Variants in PADI3 observed in about 807,000 individuals in gnomAD.
PADI3 encodes protein-arginine deiminase type-3.
PADI3 carries 53 observed loss-of-function variants against 71.5 expected under a neutral mutation model. The observed-to-expected ratio is 0.74, with a 90% CI of 0.59 to 0.93. PADI3 has a LOEUF of 0.93. Ranked by LOEUF, PADI3 falls within the 40% of genes least tolerant of loss-of-function variation. The pLI, the probability that PADI3 is intolerant of heterozygous loss-of-function variation, is 0.00. For missense variants in PADI3, 821 were observed against 868.0 expected, an observed-to-expected ratio of 0.95 and a Z score of 0.68; for synonymous variants, 361 against 347.5, an observed-to-expected ratio of 1.04 and a Z score of -0.43.
At chr1:17,263,826 C>A (rs1320589452) in intron 3 of PADI3, among the ~76,000 whole-genome samples, 4 of 152,070 alleles carry the variant, frequency 2.6e-5, no homozygotes. Context: ...ATAAACAATT[C>A]ACAGAAGAGA....
At chr1:17,265,748 G>C (rs748764264) in intron 4 of PADI3, 28 bp downstream of exon 4, 1 of 1,602,794 alleles carries the variant, frequency 6.2e-7, no homozygotes, top group South Asian at 1.1e-5. Context: ...GGCCCAGGAA[G>C]CAGGAGTGCA....
At chr1:17,280,492 A>G (rs1382191905) in intron 14 of PADI3, 63 bp downstream of exon 14, 1 of 1,511,844 alleles carries the variant, frequency 6.6e-7, no homozygotes, top group Non-Finnish European at 9.2e-7. Flanking sequence ...GGAGGCAAGG[A>G]TGGGATACAG....
chr1:17,250,893 T>C (rs1458955032), intron 1 of PADI3, among the ~76,000 whole-genome samples: 1 of 152,018 alleles, frequency 6.6e-6, no homozygotes, highest in Non-Finnish European at 1.5e-5. Context: ...ATTGGGGCAA[T>C]AAGAGATAAA....
At chr1:17,282,185 G>A (rs3003440) in intron 15 of PADI3, among the ~76,000 whole-genome samples, 46,001 of 152,022 alleles carry the variant, frequency 0.3, 8,253 homozygotes, top group African/African-American at 0.51. Flanking sequence ...TCTTGTGTTC[G>A]CAAGAGACAG....
At chr1:17,262,278 C>A in intron 3 of PADI3, 73 bp downstream of exon 3, 1 of 1,135,780 alleles carries the variant, frequency 8.8e-7, no homozygotes. Flanking sequence ...AAAGAGTATA[C>A]GTTGAAAATT....
chr1:17,264,311 A>G (rs978438549), intron 3 of PADI3, among the ~76,000 whole-genome samples: 4 of 148,746 alleles, frequency 2.7e-5, no homozygotes, highest in East Asian at 2.0e-4. Context: ...TTTTACATAC[A>G]TATGTGCATA....
At chr1:17,256,382 A>G (rs1425626896) in intron 1 of PADI3, among the ~76,000 whole-genome samples, 1 of 152,224 alleles carries the variant, frequency 6.6e-6, no homozygotes, top group African/African-American at 2.4e-5. Context: ...AGCCTGGTCT[A>G]AAACCTAATT....
At chr1:17,276,026 A>G (rs1399333298) in intron 11 of PADI3, among the ~76,000 whole-genome samples, 1 of 152,068 alleles carries the variant, frequency 6.6e-6, no homozygotes, top group Non-Finnish European at 1.5e-5. Context: ...AACTCACCCT[A>G]AGTGGAATTT....
chr1:17,271,857 AGAGAG>A (rs2073258965), intron 9 of PADI3, among the ~76,000 whole-genome samples: 6 of 105,148 alleles, frequency 5.7e-5, no homozygotes, highest in African/African-American at 2.4e-4. Flanking sequence ...AAAAAAAAAG[AGAGAG>A]AGAGAGAGAG....
At chr1:17,267,680 A>C (rs908638674) in intron 5 of PADI3, among the ~76,000 whole-genome samples, 157 bp from the exon 6 acceptor site, 1 of 152,210 alleles carries the variant, frequency 6.6e-6, no homozygotes, top group African/African-American at 2.4e-5. Context: ...AGATGTCTTC[A>C]TGGTTTGTTC....
In PADI3 at chr1:17,280,799, G is replaced by A; in HGVS notation, c.1761+3G>A. 6.2e-7 allele frequency: 1 copy of A among 1,613,928 alleles called. No individual in the cohort carries two copies. The highest frequency in any genetic ancestry group is 1.7e-4 in the Middle Eastern group (1 of 6,060). ...CAACGGCCTTCTTCCCTGACTTGGT[G>A]AGGGCACTACCCATGACTCCTTTGC... is the stretch of plus-strand genomic sequence containing the variant. On this transcript the variant is annotated splice_donor_region_variant and intron_variant, in intron 15 of 15. Coordinates refer to ENST00000375460, the MANE Select transcript of PADI3 (RefSeq NM_016233.2).
At chr1:17,271,023 C>G in intron 8 of PADI3, 41 bp downstream of exon 8, 1 of 1,612,476 alleles carries the variant, frequency 6.2e-7, no homozygotes, top group East Asian at 2.2e-5. Context: ...GGCCCCCAGG[C>G]CCCGGCTCCA....
intron 1 of PADI3, among the ~76,000 whole-genome samples, chr1:17,257,856 G>C (rs2100561540): frequency 6.6e-6 from 1 of 152,260 alleles, no homozygotes; most frequent in South Asian, 2.1e-4. Flanking sequence ...TCTCATCCTG[G>C]GGCTGCAGTG....
intron 6 of PADI3, among the ~76,000 whole-genome samples, chr1:17,269,095 G>T (rs567583760): frequency 6.6e-6 from 1 of 151,570 alleles, no homozygotes; most frequent in South Asian, 2.1e-4. Context: ...ATGCTGCCCA[G>T]GCTGGTCGTG....
intron 2 of PADI3, among the ~76,000 whole-genome samples, chr1:17,261,900 G>T (rs1474455925): frequency 6.6e-6 from 1 of 152,216 alleles, no homozygotes; most frequent in Non-Finnish European, 1.5e-5. Flanking sequence ...AAAAATCACA[G>T]AGTAGGTTAT....
intron 13 of PADI3, among the ~76,000 whole-genome samples, chr1:17,279,447 A>T (rs2073374018): frequency 6.6e-6 from 1 of 152,116 alleles, no homozygotes; most frequent in East Asian, 1.9e-4. Flanking sequence ...TGGAGCTGGG[A>T]CTGGACCCCA....
intron 15 of PADI3, 41 bp from the exon 16 acceptor site, chr1:17,282,805 G>A (rs1190997508): frequency 6.8e-7 from 1 of 1,471,034 alleles, no homozygotes; most frequent in Admixed American, 1.9e-5. Context: ...GTGTGGGGTG[G>A]GAGCCCAGTG....
In PADI3 at chr1:17,266,742, T is replaced by G. The variant is rs1334555798; in HGVS notation, c.432T>G (p.Ser144Arg). The part of the protein sequence containing the change: ...VDKRQWVWGP[S>R]GYGGILLVNC... Reference sequence around the variant, plus strand: ...AGCGGCAGTGGGTCTGGGGGCCCAGTGGGTATGGCGGCATCTTGCTGGTGA... The same window carrying G: ...AGCGGCAGTGGGTCTGGGGGCCCAGGGGGTATGGCGGCATCTTGCTGGTGA... The change falls in exon 5 of 16, where the codon AGT (serine) becomes AGG (arginine). Residue 144 changes from serine (S) to arginine (R), a missense_variant. Ser to Arg is a moderately radical substitution (Grantham distance 110, BLOSUM62 -1). Transcript: ENST00000375460. The G allele has an allele frequency of 3.1e-6, 5 of 1,613,950 alleles. No homozygotes were observed. Among genetic ancestry groups the G allele is most frequent in the Non-Finnish European group, 4.2e-6 (5 of 1,179,988 alleles).
At chr1:17,268,007 G>A in intron 6 of PADI3, 45 bp downstream of exon 6, 1 of 1,611,198 alleles carries the variant, frequency 6.2e-7, no homozygotes, top group Non-Finnish European at 8.5e-7. Context: ...CCTGTTGCCA[G>A]GTTGCCTACC....
Sources: allele counts gnomAD v4.1 joint callset (sites outside exome capture counted in the v4.1 genomes callset), GRCh38; gene constraint gnomAD v4.1.1; transcripts MANE v1.5; gene names NCBI Gene and HGNC (gene_info 2026-07-23, HGNC 2026-07-21).